OSBPL1A: variants seen among roughly 807,000 people sequenced by gnomAD.
OSBPL1A encodes the protein oxysterol binding protein like 1A, also known as oxysterol-binding protein-related protein 1.
In OSBPL1A, 80 loss-of-function variants were observed where a neutral mutation model predicts 137.1. The observed-to-expected ratio is 0.58, with a 90% confidence interval of 0.49 to 0.70. The LOEUF (loss-of-function observed/expected upper bound fraction) is 0.70. OSBPL1A is among the 30% of genes least tolerant of loss of function. The probability of loss-of-function intolerance (pLI) is 0.00; values close to 1 mark genes in which losing one functional copy is unlikely to be tolerated. For synonymous variants in OSBPL1A, 365 were observed against 389.7 expected (o/e 0.94, Z 0.75); for missense variants, 970 against 1,129.4 (o/e 0.86, Z 2.02).
At chr18:24,165,870 CG>C (rs1235366401) in intron 26 of OSBPL1A, among the ~76,000 whole-genome samples, 1 of 152,136 alleles carries the variant, frequency 6.6e-6, no homozygotes, top group African/African-American at 2.4e-5. Flanking sequence ...CTGAGGTGGG[CG>C]GATCACCTGA....
chr18:24,391,092 ACT>A (rs1229463368), intron 1 of OSBPL1A, among the ~76,000 whole-genome samples: 4 of 152,036 alleles, frequency 2.6e-5, no homozygotes, highest in Non-Finnish European at 4.4e-5. Context: ...ACAAAGCAAG[ACT>A]CTGTCTCAAT....
At chr18:24,340,060 C>G (rs1154202) in intron 5 of OSBPL1A, among the ~76,000 whole-genome samples, 45,777 of 151,956 alleles carry the variant, frequency 0.3, 7,487 homozygotes, top group African/African-American at 0.38. Context: ...GAAAGAAAGG[C>G]TATGTGTGAA....
intron 19 of OSBPL1A, among the ~76,000 whole-genome samples, chr18:24,180,834 A>C (rs2145923489): frequency 6.6e-6 from 1 of 152,144 alleles, no homozygotes; most frequent in Non-Finnish European, 1.5e-5. Flanking sequence ...CCGAGATTGC[A>C]CCACTGCACT....
At chr18:24,283,768 T>C (rs993303529) in intron 14 of OSBPL1A, among the ~76,000 whole-genome samples, 7 of 152,252 alleles carry the variant, frequency 4.6e-5, no homozygotes, top group African/African-American at 1.2e-4. Context: ...TTCATAGATA[T>C]AGTTCTTTTA....
chr18:24,270,221 GATAA>G (rs993152947), intron 15 of OSBPL1A, among the ~76,000 whole-genome samples: 1 of 152,136 alleles, frequency 6.6e-6, no homozygotes, highest in African/African-American at 2.4e-5. Flanking sequence ...GAATGTAAAT[GATAA>G]ATGTCAAAAA....
intron 4 of OSBPL1A, among the ~76,000 whole-genome samples, chr18:24,360,405 T>C (rs188714012): frequency 2.6e-5 from 4 of 152,376 alleles, no homozygotes; most frequent in Admixed American, 1.3e-4. Flanking sequence ...ATCTTCATGG[T>C]AAATGATCAC....
At chr18:24,298,506 C>T (rs1011066167) in intron 14 of OSBPL1A, among the ~76,000 whole-genome samples, 5 of 152,130 alleles carry the variant, frequency 3.3e-5, no homozygotes, top group East Asian at 1.9e-4. Flanking sequence ...CCACCACGCC[C>T]GGCTAATTTT....
At chr18:24,348,638 G>A (rs539114638) in intron 4 of OSBPL1A, among the ~76,000 whole-genome samples, 9 of 152,246 alleles carry the variant, frequency 5.9e-5, no homozygotes, top group African/African-American at 1.9e-4. Flanking sequence ...GCTGGGCATG[G>A]TGATGCGCAC....
chr18:24,340,554 C>A (rs1265241898), intron 5 of OSBPL1A, among the ~76,000 whole-genome samples: 1 of 152,034 alleles, frequency 6.6e-6, no homozygotes, highest in East Asian at 1.9e-4. Flanking sequence ...ACTATAATCC[C>A]AGCACTTTGG....
intron 17 of OSBPL1A, among the ~76,000 whole-genome samples, chr18:24,205,729 T>C (rs1410594449): frequency 6.6e-6 from 1 of 152,194 alleles, no homozygotes; most frequent in East Asian, 1.9e-4. Context: ...CTAATTACAG[T>C]TTCAAAAGAT....
At chr18:24,379,538 G>A (rs1193202774) in intron 1 of OSBPL1A, among the ~76,000 whole-genome samples, 1 of 149,770 alleles carries the variant, frequency 6.7e-6, no homozygotes, top group Non-Finnish European at 1.5e-5. Context: ...AAAAAAGAAT[G>A]TTAAGAGAAT....
intron 18 of OSBPL1A, 89 bp downstream of exon 18, chr18:24,196,036 C>T: frequency 9.8e-7 from 1 of 1,022,586 alleles, no homozygotes; most frequent in Non-Finnish European, 1.5e-6. Flanking sequence ...TGTCGTGCAC[C>T]ACTTTAATGC....
chr18:24,359,471 G>A (rs1231655135), intron 4 of OSBPL1A, among the ~76,000 whole-genome samples: 2 of 151,704 alleles, frequency 1.3e-5, no homozygotes, highest in East Asian at 3.9e-4. Flanking sequence ...GGCTGGGGTA[G>A]GAAGACCGCT....
At chr18:24,192,752 G>C (rs1307708266) in intron 18 of OSBPL1A, among the ~76,000 whole-genome samples, 1 of 152,210 alleles carries the variant, frequency 6.6e-6, no homozygotes, top group Non-Finnish European at 1.5e-5. Flanking sequence ...TCCTTCCTAA[G>C]ACAGAGTGAG....
chr18:24,205,921 C>T (rs1274036273), intron 17 of OSBPL1A, among the ~76,000 whole-genome samples: 1 of 152,206 alleles, frequency 6.6e-6, no homozygotes, highest in East Asian at 1.9e-4. Flanking sequence ...GACAGAGTCT[C>T]GATCTGTCAC....
chr18:24,309,291 T>C (rs2090568937), intron 13 of OSBPL1A, among the ~76,000 whole-genome samples: 1 of 152,204 alleles, frequency 6.6e-6, no homozygotes, highest in African/African-American at 2.4e-5. Flanking sequence ...TATAGAATTA[T>C]ATTGTATAAG....
intron 18 of OSBPL1A, among the ~76,000 whole-genome samples, chr18:24,189,774 G>A (rs1372842526): frequency 3.9e-5 from 6 of 152,198 alleles, no homozygotes; most frequent in African/African-American, 1.4e-4. Context: ...TCCCGGGATA[G>A]CTGCCTGCGG....
intron 19 of OSBPL1A, 145 bp downstream of exon 19, chr18:24,181,000 C>T: frequency 1.1e-6 from 1 of 937,282 alleles, no homozygotes; most frequent in Non-Finnish European, 1.6e-6. Flanking sequence ...AACCAGAGGA[C>T]AGTCCAGACA....
rs766733010 is a variant in OSBPL1A at position 24,314,254 on chromosome 18, T to C, written c.964A>G (p.Arg322Gly). Residue 322 changes from arginine (R) to glycine (G), a missense_variant, in exon 12 of 28, where the codon AGA becomes GGA. Around this residue, in one of 2 missense-constraint regions of OSBPL1A, gnomAD observed 647 missense variants for 672.6 expected, o/e 0.96. Coordinates refer to ENST00000319481, the MANE Select transcript of OSBPL1A (RefSeq NM_080597.4). ...RVPKNSLQQS[R>G]EDWLEAIEEH... ...ACATGAATCCATAAGATTACCTCTC[T>C]TGACTGCTGAAGGCTATTCTTAGGA... 1 of 1,592,664 alleles carries C rather than the reference T, an allele frequency of 6.3e-7. No individual in the cohort carries two copies. Among genetic ancestry groups the C allele is most frequent in the Non-Finnish European group, 8.6e-7 (1 of 1,168,458 alleles).
Sources: allele counts gnomAD v4.1 joint callset (sites outside exome capture counted in the v4.1 genomes callset), GRCh38; gene constraint gnomAD v4.1.1; regional missense constraint gnomAD v4.1.1; transcripts MANE v1.5; gene names NCBI Gene and HGNC (gene_info 2026-07-23, HGNC 2026-07-21).